Variants in PRDM11 observed in about 807,000 individuals in gnomAD.
PRDM11 encodes the protein PR/SET domain 11, also known as PR domain-containing protein 11.
A neutral mutation model predicts 97.8 loss-of-function variants in PRDM11; 20 were observed. The observed-to-expected ratio is 0.20, with a 90% confidence interval of 0.14 to 0.30. The LOEUF (loss-of-function observed/expected upper bound fraction) is 0.30. Among genes scored for constraint, PRDM11 ranks in the 10% least tolerant of loss-of-function variants. The pLI, the probability that PRDM11 is intolerant of heterozygous loss-of-function variation, is 1.00. For missense variants in PRDM11, 1,139 were observed against 1,555.2 expected (o/e 0.73, Z 4.50); for synonymous variants, 599 against 637.7 (o/e 0.94, Z 0.91).
chr11:45,136,254 T>C (rs1852841170), intron 1 of PRDM11, among the ~76,000 whole-genome samples: 1 of 152,244 alleles, frequency 6.6e-6, no homozygotes, highest in African/African-American at 2.4e-5. Context: ...ATGTTTCCAT[T>C]TTTATTTTAA....
intron 5 of PRDM11, chr11:45,213,971 G>C (rs1853875152): frequency 2.9e-6 from 1 of 341,946 alleles, no homozygotes; most frequent in South Asian, 2.3e-5. Flanking sequence ...AGCTGTCCTG[G>C]GTGAGGTGGG....
At chr11:45,143,963 G>A (rs148945633), upstream of PRDM11, among the ~76,000 whole-genome samples, 170 of 152,242 alleles carry the variant, frequency 1.1e-3, no homozygotes, top group Non-Finnish European at 1.9e-3. Flanking sequence ...CTCACAAGAC[G>A]TGCTTTGTCT....
chr11:45,226,261 A>G lies in PRDM11; in HGVS notation c.1636A>G (p.Ile546Val), dbSNP rs1479486111. Residue 546 changes from isoleucine (I) to valine (V), a missense_variant, in exon 8 of 8, where the codon ATC becomes GTC. This residue lies in a region of PRDM11 where 710 missense variants were observed against 1,044.9 expected (regional missense o/e 0.68). Transcript: ENST00000683152. ...GCAGTCCTCACGCACCTCGGCCTTC[A>G]TCATTGGCTCCAAGCAGTTTAAGAT... ...TVQSSRTSAF[I>V]IGSKQFKIHT... The G allele has an allele frequency of 1.3e-6, 2 of 1,533,982 alleles. No individual in the cohort carries two copies. Among genetic ancestry groups the G allele is most frequent in the Admixed American group, 3.9e-5 (2 of 50,992 alleles).
rs1554976394 is a variant in PRDM11, at chr11:45,228,265, T to TTATATTATATATATA, written c.*111_*112insTATATATATATATAT. 41 of 119,542 alleles carry TTATATTATATATATA rather than the reference T, an allele frequency of 3.4e-4. No homozygotes were observed. In the East Asian group the frequency reaches 4.8e-3, roughly 14 times the overall value. The allele number at this position is 119,542 out of a possible 1,614,324, so 7.4% of individuals were successfully genotyped here. On this transcript the variant is annotated 3_prime_UTR_variant, in exon 8 of 8. Coordinates refer to ENST00000683152, the MANE Select transcript of PRDM11 (RefSeq NM_001384648.1). ...ATATATTATATTATATTATATTATA[T>TTATATTATATATATA]TATATATATATATATATATAAACTC...
intron 4 of PRDM11, among the ~76,000 whole-genome samples, chr11:45,194,802 T>G (rs1212772827): frequency 1.3e-5 from 2 of 151,112 alleles, no homozygotes; most frequent in Admixed American, 6.6e-5. Context: ...GTTTCACCGT[T>G]TTAGCCGGGA....
intron 4 of PRDM11, among the ~76,000 whole-genome samples, chr11:45,186,105 A>G (rs1339917436): frequency 6.6e-6 from 1 of 152,150 alleles, no homozygotes; most frequent in Non-Finnish European, 1.5e-5. Context: ...TGATTGTAGG[A>G]CTTCTGACCT....
chr11:45,227,902 A>G lies in PRDM11; in HGVS notation c.3277A>G (p.Asn1093Asp). The G allele has an allele frequency of 6.5e-7, 1 of 1,533,886 alleles. No homozygotes were observed. The highest frequency in any genetic ancestry group is 1.2e-5 in the South Asian group (1 of 83,958). The change falls in exon 8 of 8, where the codon AAT (asparagine) becomes GAT (aspartate). Residue 1093 changes from asparagine to aspartate, a missense_variant. Transcript: ENST00000683152. This position sits in a 1 kb window ranked among gnomAD's most constrained non-coding sequence, Gnocchi z 8.0. ...TSTACCEKGR[N>D]ALQRVRKNHR... is the part of the protein sequence containing the mutation. Reference sequence around the variant, plus strand: ...CACCGCTTGCTGCGAGAAAGGCCGCAATGCCCTCCAGCGAGTTCGCAAAAA... The same window carrying G: ...CACCGCTTGCTGCGAGAAAGGCCGCGATGCCCTCCAGCGAGTTCGCAAAAA...
chr11:45,099,361 G>A (rs908434798), intron 1 of PRDM11, among the ~76,000 whole-genome samples: 3 of 149,994 alleles, frequency 2.0e-5, no homozygotes, highest in African/African-American at 7.4e-5. Context: ...TGAGGCAGGA[G>A]AATTGCTTGA....
chr11:45,208,253 CG>C (rs1853586433), intron 5 of PRDM11, among the ~76,000 whole-genome samples: 1 of 152,118 alleles, frequency 6.6e-6, no homozygotes, highest in Non-Finnish European at 1.5e-5. Flanking sequence ...GAGAACTGAC[CG>C]GGACGGGGAA....
chr11:45,120,586 A>G (rs1026249316), intron 1 of PRDM11, among the ~76,000 whole-genome samples: 1 of 152,128 alleles, frequency 6.6e-6, no homozygotes, highest in Non-Finnish European at 1.5e-5. Flanking sequence ...TTCTATATCC[A>G]CTAAAATGTC....
intron 1 of PRDM11, among the ~76,000 whole-genome samples, chr11:45,165,359 C>T (rs1010491092): frequency 5.3e-5 from 8 of 152,240 alleles, no homozygotes; most frequent in Non-Finnish European, 8.8e-5. Context: ...TGCCAGCAAC[C>T]GTTCTGGGTG....
chr11:45,167,798 C>T (rs1039782971), intron 1 of PRDM11, among the ~76,000 whole-genome samples: 78 of 144,086 alleles, frequency 5.4e-4, no homozygotes, highest in Middle Eastern at 3.8e-3. Context: ...CACACACACA[C>T]ACACGCCATA....
chr11:45,181,178 G>C (rs1201234323), intron 1 of PRDM11, among the ~76,000 whole-genome samples: 5 of 152,198 alleles, frequency 3.3e-5, no homozygotes, highest in Non-Finnish European at 7.4e-5. Context: ...GTAAGCGGCG[G>C]GCTGGGGAGT....
At chr11:45,210,466 C>A (rs552015131) in intron 5 of PRDM11, among the ~76,000 whole-genome samples, 1 of 152,372 alleles carries the variant, frequency 6.6e-6, no homozygotes, top group Admixed American at 6.5e-5. Flanking sequence ...CTGCACATCT[C>A]CCCCGTGCCC....
At chr11:45,206,409 A>G (rs1853511657) in intron 5 of PRDM11, among the ~76,000 whole-genome samples, 1 of 152,174 alleles carries the variant, frequency 6.6e-6, no homozygotes, top group South Asian at 2.1e-4. Flanking sequence ...GCGGCTGCTC[A>G]GTTTGGACCC....
rs1205749119 is a variant in PRDM11, at chr11:45,208,052, G to C, written c.554+3274G>C. On this transcript the variant is annotated intron_variant, in intron 5 of 7. Coordinates refer to ENST00000683152, the MANE Select transcript of PRDM11 (RefSeq NM_001384648.1). ...AGGGCCATGCTGTGCCCCTTGCCCA[G>C]GGCCTCTGGCTGCTCAGTTGAGAGG... Among the ~76,000 whole-genome samples, 3 of 152,202 alleles carry C rather than the reference G, an allele frequency of 2.0e-5. No homozygotes were observed. The East Asian group carries it at 5.8e-4, about 29-fold the overall frequency.
At chr11:45,202,936 A>G (rs1853380976) in intron 4 of PRDM11, among the ~76,000 whole-genome samples, 1 of 152,196 alleles carries the variant, frequency 6.6e-6, no homozygotes, top group South Asian at 2.1e-4. Context: ...CAGAAAAGTG[A>G]AAAGGAAGTG....
At chr11:45,096,062 C>A (rs551608425) in intron 1 of PRDM11, among the ~76,000 whole-genome samples, 1 of 152,356 alleles carries the variant, frequency 6.6e-6, no homozygotes, top group Non-Finnish European at 1.5e-5. Flanking sequence ...CATTACCACC[C>A]TCCACTCCTT....
intron 4 of PRDM11, among the ~76,000 whole-genome samples, chr11:45,201,959 G>A (rs553210378): frequency 2.0e-5 from 3 of 151,878 alleles, no homozygotes; most frequent in South Asian, 2.1e-4. Context: ...GTGATGGAGC[G>A]AGACTCTGTC....
Sources: gnomAD v4.1 joint callset for allele counts (sites outside exome capture counted in the v4.1 genomes callset) on GRCh38, gnomAD v4.1.1 for gene constraint, gnomAD v4.1.1 regional missense constraint, Gnocchi (gnomAD v3.1) non-coding constraint, MANE v1.5 for transcripts, NCBI Gene and HGNC (gene_info 2026-07-23, HGNC 2026-07-21) for gene names.